The following CCDC91 variants were observed in gnomAD, a reference collection of about 807,000 sequenced individuals.
CCDC91 encodes coiled-coil domain-containing protein 91.
Under a neutral mutation model 63.2 loss-of-function variants are expected in CCDC91, and 48 were observed. The ratio of observed to expected loss-of-function variants is 0.76; its 90% CI spans 0.60 to 0.97. The LOEUF (loss-of-function observed/expected upper bound fraction) is 0.97, where lower values mean the gene tolerates loss of function less well. CCDC91 is among the 50% of genes least tolerant of loss of function. The probability of loss-of-function intolerance (pLI) is 0.00; values close to 1 mark genes in which losing one functional copy is unlikely to be tolerated. For synonymous variants in CCDC91, 167 were observed against 165.8 expected (o/e 1.01, Z -0.06); for missense variants, 500 against 494.6 (o/e 1.01, Z -0.10).
intron 8 of CCDC91, among the ~76,000 whole-genome samples, chr12:28,400,588 A>G (rs1237556451): frequency 6.6e-6 from 1 of 152,086 alleles, no homozygotes; most frequent in East Asian, 1.9e-4. Context: ...AAATTTTCCC[A>G]ACTTTTATGC....
At chr12:28,353,838 C>G (rs980469559) in intron 6 of CCDC91, among the ~76,000 whole-genome samples, 3 of 151,944 alleles carry the variant, frequency 2.0e-5, no homozygotes, top group Non-Finnish European at 4.4e-5. Flanking sequence ...GAGCACACAA[C>G]TGTTGGAAAA....
chr12:28,532,984 A>G (rs1941864942), intron 12 of CCDC91, among the ~76,000 whole-genome samples: 1 of 152,114 alleles, frequency 6.6e-6, no homozygotes, highest in South Asian at 2.1e-4. Flanking sequence ...CCGTCTCAAA[A>G]CTTACGGGTT....
Position 28,549,306 on chromosome 12 carries a change from C to A in CCDC91, c.*133C>A. 1.8e-6 allele frequency: 1 copy of A among 560,460 alleles called. No homozygotes were observed. Among genetic ancestry groups the A allele is most frequent in the East Asian group, 3.0e-5 (1 of 33,896 alleles). 34.7% of individuals were successfully genotyped at this position (560,460 alleles called of 1,614,324 possible). A position where few individuals can be genotyped will look rare whatever the true frequency, so the allele number is the denominator to read the frequency against. ...ATTGATTTCCAGTTCAAGGATAAAC[C>A]AAAACAATATTTAGAACTATCAAGT... is the stretch of plus-strand genomic sequence containing the variant. On this transcript the variant is annotated 3_prime_UTR_variant, in exon 13 of 13. Transcript: ENST00000536442.
chr12:28,315,601 T>C (rs1939777712), intron 6 of CCDC91, among the ~76,000 whole-genome samples: 2 of 152,054 alleles, frequency 1.3e-5, no homozygotes, highest in Admixed American at 1.3e-4. Flanking sequence ...TTTAGAACAA[T>C]AATCTTCAAT....
intron 8 of CCDC91, among the ~76,000 whole-genome samples, chr12:28,444,726 G>A (rs1949410119): frequency 6.6e-6 from 1 of 152,054 alleles, no homozygotes; most frequent in Non-Finnish European, 1.5e-5. Flanking sequence ...ATAACTCTCG[G>A]GTACTGGGCT....
At chr12:28,488,423 A>G (rs1951833278) in intron 12 of CCDC91, among the ~76,000 whole-genome samples, 1 of 151,840 alleles carries the variant, frequency 6.6e-6, no homozygotes, top group Non-Finnish European at 1.5e-5. Flanking sequence ...AAATATCCAA[A>G]TAAGGAGAGC....
chr12:28,472,802 A>G (rs1950887746), intron 11 of CCDC91, among the ~76,000 whole-genome samples: 1 of 152,206 alleles, frequency 6.6e-6, no homozygotes, highest in African/African-American at 2.4e-5. Context: ...CAGATTAATT[A>G]CTTCCAGTTG....
intron 12 of CCDC91, among the ~76,000 whole-genome samples, chr12:28,512,136 C>T (rs777974908): frequency 2.0e-5 from 3 of 151,814 alleles, no homozygotes; most frequent in Non-Finnish European, 4.4e-5. Flanking sequence ...TGGTGCATTC[C>T]TCTGCGAATA....
intron 1 of CCDC91, among the ~76,000 whole-genome samples, chr12:28,213,352 G>C (rs1184239278): frequency 1.3e-5 from 2 of 152,180 alleles, no homozygotes; most frequent in Admixed American, 6.5e-5. Context: ...ATGAAGACAT[G>C]TACTACACTC....
intron 6 of CCDC91, among the ~76,000 whole-genome samples, chr12:28,339,180 T>G (rs2137922387): frequency 6.6e-6 from 1 of 152,200 alleles, no homozygotes; most frequent in East Asian, 1.9e-4. Context: ...CTGACAGGGA[T>G]TTCTGTCAGA....
chr12:28,521,041 A>C (rs1005978374), intron 12 of CCDC91, among the ~76,000 whole-genome samples: 88 of 152,132 alleles, frequency 5.8e-4, no homozygotes, highest in African/African-American at 1.9e-3. Context: ...CTTAGGATTG[A>C]CTTGGCAATG....
chr12:28,306,762 T>C lies in CCDC91; in HGVS notation c.288T>C (p.Thr96=). 3 of 1,609,636 alleles carry C rather than the reference T, an allele frequency of 1.9e-6. No homozygotes were observed. Among genetic ancestry groups the C allele is most frequent in the Non-Finnish European group, 2.5e-6 (3 of 1,176,976 alleles). ...PKAQIQQSTH[T]HLDISLFPLG... ...TTTAGATTCAGCAATCAACACACACTCATCTGGATATCTCACTTTTTCCAT... is the reference window on the plus strand; with the variant it reads ...TTTAGATTCAGCAATCAACACACACCCATCTGGATATCTCACTTTTTCCAT... Residue 96 remains threonine (T), a synonymous_variant, in exon 5 of 13, where the codon ACT becomes ACC. Transcript: ENST00000536442.
intron 11 of CCDC91, among the ~76,000 whole-genome samples, chr12:28,479,852 A>G (rs765173472): frequency 6.6e-6 from 1 of 152,016 alleles, no homozygotes; most frequent in African/African-American, 2.4e-5. Context: ...CTAATGAGCT[A>G]GCCTATTTAC....
At chr12:28,326,145 C>G (rs1320528119) in intron 6 of CCDC91, among the ~76,000 whole-genome samples, 1 of 151,990 alleles carries the variant, frequency 6.6e-6, no homozygotes, top group African/African-American at 2.4e-5. Flanking sequence ...CAGTGGACCC[C>G]TCATTTGTTC....
At chr12:28,347,719 G>T (rs1303596487) in intron 6 of CCDC91, among the ~76,000 whole-genome samples, 3 of 152,190 alleles carry the variant, frequency 2.0e-5, no homozygotes, top group Non-Finnish European at 1.5e-5. Flanking sequence ...TCCAGCATTT[G>T]TAGTTGCAGC....
chr12:28,505,148 A>G lies in CCDC91; in HGVS notation c.1215+20983A>G, dbSNP rs1302010290. Among the ~76,000 whole-genome samples, 5 of 151,922 alleles carry G rather than the reference A, an allele frequency of 3.3e-5. No individual in the cohort carries two copies. In the East Asian group the frequency reaches 5.8e-4, roughly 18 times the overall value. On this transcript the variant is annotated intron_variant, in intron 12 of 12. Coordinates refer to ENST00000536442, the MANE Select transcript of CCDC91 (RefSeq NM_018318.5). Reference sequence around the variant, plus strand: ...TTTGCCCTTCTTTTTAGTTTTTCCAAATTTCCCTGCTCAAAGAATCATTAC... The same window carrying G: ...TTTGCCCTTCTTTTTAGTTTTTCCAGATTTCCCTGCTCAAAGAATCATTAC...
chr12:28,235,828 C>T (rs1459809701), intron 1 of CCDC91, among the ~76,000 whole-genome samples: 11 of 151,328 alleles, frequency 7.3e-5, no homozygotes, highest in Non-Finnish European at 1.5e-5. Flanking sequence ...TTAAGCTGTG[C>T]GTAGTGTTAT....
chr12:28,200,403 C>G (rs1264811483), intron 1 of CCDC91, among the ~76,000 whole-genome samples: 6 of 147,326 alleles, frequency 4.1e-5, no homozygotes, highest in Non-Finnish European at 9.0e-5. Context: ...ACAAAGGTCT[C>G]TGGTTTTCCT....
At chr12:28,464,567 C>T (rs531080373) in intron 11 of CCDC91, among the ~76,000 whole-genome samples, 13 of 152,258 alleles carry the variant, frequency 8.5e-5, no homozygotes, top group South Asian at 2.1e-4. Flanking sequence ...AGCTCCTGGG[C>T]GACATTTCTA....
Sources: allele counts gnomAD v4.1 joint callset (sites outside exome capture counted in the v4.1 genomes callset), GRCh38; gene constraint gnomAD v4.1.1; transcripts MANE v1.5; gene names NCBI Gene and HGNC (gene_info 2026-07-23, HGNC 2026-07-21).